FAM135B: variants seen among roughly 807,000 people sequenced by gnomAD.
The protein encoded by FAM135B is protein FAM135B.
In FAM135B, 43 loss-of-function variants were observed where a neutral mutation model predicts 127.7. That is an observed-to-expected ratio of 0.34 (90% confidence interval 0.26 to 0.43). The LOEUF (loss-of-function observed/expected upper bound fraction) is 0.43, where lower values mean the gene tolerates loss of function less well. Ranked by LOEUF, FAM135B falls within the 20% of genes least tolerant of loss-of-function variation. The pLI, the probability that FAM135B is intolerant of heterozygous loss-of-function variation, is 1.00. For synonymous variants in FAM135B, 670 were observed against 665.1 expected, an observed-to-expected ratio of 1.01 and a Z score of -0.11; for missense variants, 1,558 against 1,725.6, an observed-to-expected ratio of 0.90 and a Z score of 1.72.
At chr8:138,213,588 T>C (rs1423994433) in intron 7 of FAM135B, among the ~76,000 whole-genome samples, 3 of 151,986 alleles carry the variant, frequency 2.0e-5, no homozygotes, top group South Asian at 2.1e-4. Flanking sequence ...CTTTTGGAGA[T>C]AGAATTTTAG....
chr8:138,334,183 A>G (rs1220277626), intron 2 of FAM135B, among the ~76,000 whole-genome samples: 1 of 152,106 alleles, frequency 6.6e-6, no homozygotes, highest in African/African-American at 2.4e-5. Context: ...TTGGCCTCCC[A>G]AAGTGCTGGG....
In FAM135B at chr8:138,250,948, C is replaced by T. The variant is rs2130487134; in HGVS notation, c.435G>A (p.Arg145=). Reference sequence around the variant, plus strand: ...CCGGGACCTGGTGGTGCAGACCATTCCGGGGGTGGAAGTGCAGGCCAAGCG... The same window carrying T: ...CCGGGACCTGGTGGTGCAGACCATTTCGGGGGTGGAAGTGCAGGCCAAGCG... The part of the protein sequence containing the change: ...SRTLGLHFHP[R]NGLHHQVPVM... The change falls in exon 6 of 20, where the codon CGG becomes CGA. Residue 145 remains arginine (R), a synonymous_variant. Coordinates refer to ENST00000395297, the MANE Select transcript of FAM135B (RefSeq NM_015912.4). The T allele has an allele frequency of 5.0e-6, 8 of 1,613,902 alleles. No individual in the cohort carries two copies. The highest frequency in any genetic ancestry group is 1.3e-5 in the African/African-American group (1 of 74,950).
At chr8:138,204,348 T>C (rs533740168) in intron 7 of FAM135B, among the ~76,000 whole-genome samples, 1 of 152,326 alleles carries the variant, frequency 6.6e-6, no homozygotes, top group East Asian at 1.9e-4. Flanking sequence ...GCATACTTCA[T>C]TAGACCAGTT....
At chr8:138,193,505 G>C (rs1425274179) in intron 9 of FAM135B, among the ~76,000 whole-genome samples, 1 of 152,230 alleles carries the variant, frequency 6.6e-6, no homozygotes, top group African/African-American at 2.4e-5. Flanking sequence ...CTCGTGATGG[G>C]AAATGGAAAA....
At chr8:138,329,813 A>C (rs1828043710) in intron 2 of FAM135B, among the ~76,000 whole-genome samples, 1 of 152,182 alleles carries the variant, frequency 6.6e-6, no homozygotes, top group Non-Finnish European at 1.5e-5. Context: ...TTCAAACATT[A>C]TTATAGCTCC....
intron 10 of FAM135B, among the ~76,000 whole-genome samples, chr8:138,177,963 C>T (rs1369592858): frequency 6.6e-6 from 1 of 152,150 alleles, no homozygotes; most frequent in Non-Finnish European, 1.5e-5. Context: ...AGCACTTTTT[C>T]AGCTGGTGCA....
chr8:138,222,563 C>G (rs1819105905), intron 7 of FAM135B, among the ~76,000 whole-genome samples: 1 of 151,786 alleles, frequency 6.6e-6, no homozygotes, highest in African/African-American at 2.4e-5. Context: ...ATTTTACTGA[C>G]CAGGCTGAAG....
chr8:138,333,969 C>T lies in FAM135B; in HGVS notation c.78-23049G>A, dbSNP rs138986914. Among the ~76,000 whole-genome samples the T allele has an allele frequency of 5.7e-3, 868 of 152,300 alleles. 5 individuals carry two copies. Among genetic ancestry groups the T allele is most frequent in the African/African-American group, 0.02 (812 of 41,564 alleles). ...GAGGAGTCTCGCTCTGTCTCCCAGG[C>T]TGGAGTGCAGTGGCATGATCTTGGA... On this transcript the variant is annotated intron_variant, in intron 2 of 19. Coordinates refer to ENST00000395297, the MANE Select transcript of FAM135B (RefSeq NM_015912.4).
intron 2 of FAM135B, among the ~76,000 whole-genome samples, chr8:138,355,048 C>A (rs918975052): frequency 1.3e-5 from 2 of 152,108 alleles, no homozygotes; most frequent in East Asian, 1.9e-4. Context: ...GTGTGATGTT[C>A]CCCTTCCTGT....
intron 1 of FAM135B, among the ~76,000 whole-genome samples, chr8:138,377,371 C>T (rs1831545411): frequency 6.6e-6 from 1 of 152,180 alleles, no homozygotes; most frequent in Non-Finnish European, 1.5e-5. Flanking sequence ...TTTTCTGCTG[C>T]TATAACAGAA....
At chr8:138,197,374 T>C (rs1816735868) in intron 8 of FAM135B, 142 bp downstream of exon 8, 1 of 929,982 alleles carries the variant, frequency 1.1e-6, no homozygotes. Context: ...CCTGGTAGAA[T>C]AATAAAAATC....
At chr8:138,168,887 C>G (rs1820182403) in intron 11 of FAM135B, among the ~76,000 whole-genome samples, 1 of 152,112 alleles carries the variant, frequency 6.6e-6, no homozygotes, top group African/African-American at 2.4e-5. Context: ...AAGACTTGAG[C>G]TTGCAGAGCT....
intron 1 of FAM135B, among the ~76,000 whole-genome samples, chr8:138,474,350 C>A (rs1814271785): frequency 6.6e-6 from 1 of 152,080 alleles, no homozygotes; most frequent in African/African-American, 2.4e-5. Context: ...TTCTCTCCTG[C>A]AAAATGAGAG....
intron 2 of FAM135B, among the ~76,000 whole-genome samples, chr8:138,342,918 C>G (rs1829154240): frequency 6.6e-6 from 1 of 152,216 alleles, no homozygotes; most frequent in African/African-American, 2.4e-5. Flanking sequence ...ATGCACAAAT[C>G]CCATGGCCCC....
At chr8:138,206,387 C>A (rs1345878801) in intron 7 of FAM135B, among the ~76,000 whole-genome samples, 35 of 148,764 alleles carry the variant, frequency 2.4e-4, no homozygotes, top group Non-Finnish European at 3.6e-4. Context: ...CTATCATCCC[C>A]TCCACCTACA....
intron 4 of FAM135B, among the ~76,000 whole-genome samples, chr8:138,258,803 C>CCACACACGCACACA (rs1554646350): frequency 3.4e-5 from 5 of 146,526 alleles, no homozygotes; most frequent in African/African-American, 1.3e-4. Context: ...GACACACACA[C>CCACACACGCACACA]CACACACACA....
intron 1 of FAM135B, among the ~76,000 whole-genome samples, chr8:138,435,493 G>T (rs369413762): frequency 1.2e-4 from 18 of 152,138 alleles, no homozygotes; most frequent in African/African-American, 4.3e-4. Context: ...CAGTAGCCTT[G>T]CTGTATTTAA....
intron 2 of FAM135B, among the ~76,000 whole-genome samples, chr8:138,357,148 T>C (rs1269351744): frequency 2.1e-5 from 3 of 142,568 alleles, no homozygotes; most frequent in African/African-American, 7.9e-5. Context: ...AATAGTTTCC[T>C]AAAGAAAAAA....
chr8:138,244,082 T>A (rs888563992), intron 6 of FAM135B, among the ~76,000 whole-genome samples: 3 of 152,166 alleles, frequency 2.0e-5, no homozygotes, highest in Non-Finnish European at 4.4e-5. Context: ...GGAAAATAAA[T>A]TTAGCATTAT....
Sources: allele counts gnomAD v4.1 joint callset (sites outside exome capture counted in the v4.1 genomes callset), GRCh38; gene constraint gnomAD v4.1.1; transcripts MANE v1.5; gene names NCBI Gene and HGNC (gene_info 2026-07-23, HGNC 2026-07-21).